The following KDM7A variants were observed in gnomAD, a reference collection of about 807,000 sequenced individuals.
The protein encoded by KDM7A is lysine-specific demethylase 7A.
In KDM7A, 28 loss-of-function variants were observed where a neutral mutation model predicts 114.8. The observed-to-expected ratio is 0.24, with a 90% CI of 0.18 to 0.33. KDM7A has a LOEUF of 0.33. Among genes scored for constraint, KDM7A ranks in the 10% least tolerant of loss-of-function variants. The pLI is 1.00. For synonymous variants in KDM7A, 423 were observed against 397.8 expected (o/e 1.06, Z -0.75); for missense variants, 942 against 1,142.5 (o/e 0.82, Z 2.53).
At chr7:140,099,798 C>A (rs929378739) in intron 13 of KDM7A, 101 bp downstream of exon 13, 6 of 1,084,186 alleles carry the variant, frequency 5.5e-6, no homozygotes, top group Non-Finnish European at 8.3e-6. Flanking sequence ...TTCCACAAAA[C>A]CGGTCCCTGG....
At chr7:140,100,728 A>ATG (rs1818206240) in intron 12 of KDM7A, among the ~76,000 whole-genome samples, 1 of 42,656 alleles carries the variant, frequency 2.3e-5, no homozygotes, top group Non-Finnish European at 4.8e-5. Context: ...ATATATATAT[A>ATG]TATATATATA....
At chr7:140,171,383 C>A (rs1013937854) in intron 1 of KDM7A, among the ~76,000 whole-genome samples, 3 of 150,924 alleles carry the variant, frequency 2.0e-5, no homozygotes, top group Non-Finnish European at 4.4e-5. Context: ...GCAGGAGAAT[C>A]ATTTGAACCT....
At chr7:140,113,107 A>T (rs1297189789) in intron 10 of KDM7A, among the ~76,000 whole-genome samples, 1 of 152,220 alleles carries the variant, frequency 6.6e-6, no homozygotes, top group African/African-American at 2.4e-5. Context: ...TGGTGGTACC[A>T]ACAGCACCTA....
chr7:140,120,619 C>A (rs1269725068), intron 7 of KDM7A, 90 bp from the exon 8 acceptor site: 12 of 737,174 alleles, frequency 1.6e-5, no homozygotes, highest in South Asian at 1.3e-4. Context: ...CTCAAAATAT[C>A]AATATCAGTT....
At chr7:140,094,509 G>GA (rs1286374125) in intron 17 of KDM7A, among the ~76,000 whole-genome samples, 15 of 145,826 alleles carry the variant, frequency 1.0e-4, no homozygotes, top group Non-Finnish European at 9.1e-5. Flanking sequence ...CATCTTGGGG[G>GA]AAAAAAAAAA....
chr7:140,127,578 C>A lies in KDM7A; in HGVS notation c.565G>T (p.Asp189Tyr). Residue 189 changes from aspartate to tyrosine, a missense_variant, in exon 5 of 20, where the codon GAC (aspartate) becomes TAC (tyrosine). Asp to Tyr is a radical substitution (Grantham distance 160, BLOSUM62 -3). Coordinates refer to ENST00000397560, the MANE Select transcript of KDM7A (RefSeq NM_030647.2). ...ACATCAATGACATCTATCACTTTGT[C>A]ACCACCTGCAGAGAAAAATTACAGT... is the stretch of plus-strand genomic sequence containing the variant. ...VMDVERYVGG[D>Y]KVIDVIDVAR... is the part of the protein sequence containing the mutation. 6.2e-7 allele frequency: 1 copy of A among 1,613,662 alleles called. No homozygotes were observed. Among genetic ancestry groups the A allele is most frequent in the South Asian group, 1.1e-5 (1 of 91,016 alleles).
chr7:140,128,346 C>T (rs183409990), intron 4 of KDM7A, among the ~76,000 whole-genome samples: 144 of 152,186 alleles, frequency 9.5e-4, no homozygotes, highest in Non-Finnish European at 1.5e-3. Flanking sequence ...AAATAGAAAA[C>T]AAATAAATGC....
intron 15 of KDM7A, 119 bp from the exon 16 acceptor site, chr7:140,097,166 A>G (rs1437707332): frequency 1.4e-6 from 1 of 718,696 alleles, no homozygotes; most frequent in Non-Finnish European, 2.2e-6. Context: ...TCAGGGAATT[A>G]TTTCTGTAAT....
chr7:140,151,461 C>A (rs1485517490), intron 1 of KDM7A, among the ~76,000 whole-genome samples: 1 of 151,990 alleles, frequency 6.6e-6, no homozygotes, highest in African/African-American at 2.4e-5. Flanking sequence ...CATCTTGGAG[C>A]CCGTTTAAAT....
chr7:140,128,860 G>A (rs1299634790), intron 4 of KDM7A, among the ~76,000 whole-genome samples: 1 of 152,154 alleles, frequency 6.6e-6, no homozygotes, highest in East Asian at 1.9e-4. Context: ...TAAATATCAC[G>A]AGAATTAATG....
intron 4 of KDM7A, among the ~76,000 whole-genome samples, chr7:140,128,016 G>A (rs950497909): frequency 2.0e-5 from 3 of 151,054 alleles, no homozygotes; most frequent in Admixed American, 1.3e-4. Flanking sequence ...ATATTCTAAG[G>A]CTATCATTTC....
At chr7:140,174,196 A>G (rs992351956) in intron 1 of KDM7A, among the ~76,000 whole-genome samples, 8 of 152,054 alleles carry the variant, frequency 5.3e-5, no homozygotes, top group African/African-American at 1.7e-4. Flanking sequence ...AAAAAGAATT[A>G]AACTTAATAA....
At chr7:140,157,158 A>G (rs1794466194) in intron 1 of KDM7A, among the ~76,000 whole-genome samples, 1 of 152,262 alleles carries the variant, frequency 6.6e-6, no homozygotes, top group Non-Finnish European at 1.5e-5. Flanking sequence ...TGAGCTGTAT[A>G]GGAGGAAAAG....
intron 1 of KDM7A, among the ~76,000 whole-genome samples, chr7:140,172,192 A>G (rs1424127599): frequency 6.6e-6 from 1 of 152,212 alleles, no homozygotes; most frequent in Admixed American, 6.5e-5. Context: ...CCCTTTGACC[A>G]ATAACACTAG....
intron 1 of KDM7A, among the ~76,000 whole-genome samples, chr7:140,142,884 C>T (rs1451833925): frequency 1.4e-5 from 2 of 145,960 alleles, no homozygotes; most frequent in Non-Finnish European, 3.0e-5. Flanking sequence ...TAACAGAAAT[C>T]TATATGGTAA....
chr7:140,120,853 T>C (rs1818608559), intron 7 of KDM7A, among the ~76,000 whole-genome samples: 1 of 152,216 alleles, frequency 6.6e-6, no homozygotes, highest in African/African-American at 2.4e-5. Flanking sequence ...AGTCATCCTC[T>C]CACATTGGCC....
chr7:140,121,754 C>T (rs1037013160), intron 7 of KDM7A, among the ~76,000 whole-genome samples: 35 of 152,104 alleles, frequency 2.3e-4, no homozygotes, highest in African/African-American at 8.5e-4. Flanking sequence ...CAAAGCCTGT[C>T]CTATTAACTA....
At chr7:140,092,214 G>A (rs764807874) in intron 18 of KDM7A, 137 bp from the exon 19 acceptor site, 8 of 748,520 alleles carry the variant, frequency 1.1e-5, no homozygotes, top group East Asian at 5.4e-5. Flanking sequence ...TATTAGCCAC[G>A]GATGACCACT....
intron 11 of KDM7A, among the ~76,000 whole-genome samples, chr7:140,108,731 A>G (rs572138872): frequency 6.6e-6 from 1 of 152,320 alleles, no homozygotes; most frequent in East Asian, 1.9e-4. Context: ...GACCCACTTG[A>G]GGAGGCAGTC....
Sources: gnomAD v4.1 joint callset for allele counts (sites outside exome capture counted in the v4.1 genomes callset) on GRCh38, gnomAD v4.1.1 for gene constraint, MANE v1.5 for transcripts, NCBI Gene and HGNC (gene_info 2026-07-23, HGNC 2026-07-21) for gene names.